The following TPO variants were observed in gnomAD, a reference collection of about 807,000 sequenced individuals.
The protein encoded by TPO is thyroid microsomal antigen.
In TPO, 78 loss-of-function variants were observed where a neutral mutation model predicts 96.9. The ratio of observed to expected loss-of-function variants is 0.81; its 90% CI spans 0.67 to 0.97. The LOEUF is 0.97. Ranked by LOEUF, TPO falls within the 50% of genes least tolerant of loss-of-function variation. The pLI is 0.00. For synonymous variants in TPO, 547 were observed against 538.0 expected, an observed-to-expected ratio of 1.02 and a Z score of -0.23; for missense variants, 1,252 against 1,274.8, an observed-to-expected ratio of 0.98 and a Z score of 0.27.
intron 14 of TPO, among the ~76,000 whole-genome samples, chr2:1,511,791 A>C (rs1485245863): frequency 2.0e-5 from 3 of 152,134 alleles, no homozygotes; most frequent in Non-Finnish European, 4.4e-5. Context: ...CTCCATCCCC[A>C]AATCAGCCAC....
chr2:1,534,108 C>G lies in TPO; in HGVS notation c.2619-6486C>G, dbSNP rs1388009136. On this transcript the variant is annotated intron_variant, in intron 15 of 16. Coordinates refer to ENST00000329066, the MANE Select transcript of TPO (RefSeq NM_001206744.2). ...CTGTGCAACCTCCCCAAAACGCCCC[C>G]ACTCTGTGCAACCTCCCCAAATCCC... is the stretch of plus-strand genomic sequence containing the variant. Among the ~76,000 whole-genome samples, 2 of 95,406 alleles carry G rather than the reference C, an allele frequency of 2.1e-5. 1 individual carries two copies. Among genetic ancestry groups the G allele is most frequent in the Non-Finnish European group, 4.4e-5 (2 of 45,386 alleles). The allele number at this position is 95,406 out of a possible 152,430, so 62.6% of individuals were successfully genotyped here.
intron 1 of TPO, among the ~76,000 whole-genome samples, chr2:1,394,036 C>T (rs1212599339): frequency 6.6e-6 from 1 of 152,194 alleles, no homozygotes; most frequent in Non-Finnish European, 1.5e-5. Context: ...CCTATCTCCT[C>T]CATGTGACAA....
chr2:1,449,997 G>A (rs929392618), intron 5 of TPO, among the ~76,000 whole-genome samples: 6 of 152,114 alleles, frequency 3.9e-5, no homozygotes, highest in African/African-American at 1.4e-4. Context: ...CACCTGACAG[G>A]GTGTCAGGCG....
intron 14 of TPO, 86 bp from the exon 15 acceptor site, chr2:1,516,797 A>G: frequency 8.1e-7 from 1 of 1,240,426 alleles, no homozygotes; most frequent in Non-Finnish European, 1.2e-6. Context: ...GGCCCAGGAC[A>G]GGGTATGGCC....
chr2:1,496,795 A>T, intron 13 of TPO, 30 bp downstream of exon 13: 1 of 1,613,954 alleles, frequency 6.2e-7, no homozygotes, highest in Non-Finnish European at 8.5e-7. Flanking sequence ...ACAATTACAA[A>T]ACATCTGAAT....
intron 15 of TPO, among the ~76,000 whole-genome samples, chr2:1,537,005 CCCCCACTGTGTGCAACGTCCT>C: frequency 1.5e-5 from 1 of 65,402 alleles, no homozygotes. Flanking sequence ...ACCTCAAATC[CCCCCACTGTGTGCAACGTCCT>C]CAAATACCCC....
chr2:1,503,741 C>T lies in TPO; in HGVS notation c.2387-207C>T, dbSNP rs780627094. ...GTGTGGACTCCCTGCAGGCTCAGAG[C>T]CCGTGGCCAGCGCACATCTGTCTGC... On this transcript the variant is annotated intron_variant, in intron 13 of 16. Coordinates refer to ENST00000329066, the MANE Select transcript of TPO (RefSeq NM_001206744.2). The T allele has an allele frequency of 6.5e-5, 57 of 876,590 alleles. No homozygotes were observed. The South Asian group carries it at 8.0e-4, about 12-fold the overall frequency. 54.3% of individuals were successfully genotyped at this position (876,590 alleles called of 1,614,324 possible). A position where few individuals can be genotyped will look rare whatever the true frequency, so the allele number is the denominator to read the frequency against.
chr2:1,433,403 A>G, intron 3 of TPO, 35 bp from the exon 4 acceptor site: 1 of 1,611,894 alleles, frequency 6.2e-7, no homozygotes, highest in Non-Finnish European at 8.5e-7. Flanking sequence ...ACCATAGACA[A>G]ATAATCTATT....
At chr2:1,498,848 C>T (rs1672605225) in intron 13 of TPO, among the ~76,000 whole-genome samples, 1 of 152,182 alleles carries the variant, frequency 6.6e-6, no homozygotes, top group Non-Finnish European at 1.5e-5. Flanking sequence ...TTTTCCTGTT[C>T]CCTTGGCTTA....
intron 2 of TPO, among the ~76,000 whole-genome samples, chr2:1,421,748 A>G (rs1663556511): frequency 6.6e-6 from 1 of 152,126 alleles, no homozygotes; most frequent in African/African-American, 2.4e-5. Context: ...AAATCTCCAT[A>G]AAGCCCGGAA....
At position 1,456,189 on chromosome 2, in the gene TPO, G is replaced by T; in HGVS notation, c.726G>T (p.Ala242=). The T allele has an allele frequency of 6.2e-7, 1 of 1,614,076 alleles. No homozygotes were observed. Among genetic ancestry groups the T allele is most frequent in the African/African-American group, 1.3e-5 (1 of 75,038 alleles). ...AWGQYIDHDI[A]FTPQSTSKAA... The stretch of plus-strand genomic sequence containing the variant: ...GACAATACATCGACCACGACATCGC[G>T]TTCACACCACAGAGCACCAGCAAAG... Residue 242 remains alanine, a synonymous_variant, in exon 7 of 17, where the codon GCG becomes GCT. Coordinates refer to ENST00000329066, the MANE Select transcript of TPO (RefSeq NM_001206744.2).
intron 5 of TPO, among the ~76,000 whole-genome samples, chr2:1,437,447 GCC>G (rs28909390): frequency 6.6e-6 from 1 of 151,634 alleles, no homozygotes; most frequent in African/African-American, 2.4e-5. Context: ...GAAGGAAGAT[GCC>G]CCCCCCGAGA....
intron 16 of TPO, chr2:1,541,113 T>A: frequency 8.4e-7 from 1 of 1,193,162 alleles, no homozygotes; most frequent in Non-Finnish European, 1.1e-6. Flanking sequence ...ATGTGTATGT[T>A]TATGTTTTAC....
intron 15 of TPO, among the ~76,000 whole-genome samples, chr2:1,534,779 T>A (rs1679181233): frequency 7.1e-6 from 1 of 141,298 alleles, no homozygotes; most frequent in Non-Finnish European, 1.5e-5. Context: ...CCTCCTCAAA[T>A]ATCCCCACTG....
intron 10 of TPO, among the ~76,000 whole-genome samples, chr2:1,488,763 C>A (rs1671413623): frequency 6.6e-6 from 1 of 152,180 alleles, no homozygotes; most frequent in East Asian, 1.9e-4. Flanking sequence ...GCTGGCAAGT[C>A]CTGCCCTGCC....
chr2:1,431,079 C>G (rs1197693087), intron 3 of TPO, among the ~76,000 whole-genome samples: 3 of 150,562 alleles, frequency 2.0e-5, no homozygotes, highest in Non-Finnish European at 4.4e-5. Flanking sequence ...GGTGTAGATG[C>G]TTTTCCCCCT....
upstream of TPO, among the ~76,000 whole-genome samples, chr2:1,410,029 G>T (rs924009198): frequency 6.6e-6 from 1 of 152,078 alleles, no homozygotes; most frequent in Non-Finnish European, 1.5e-5. Flanking sequence ...GGTCAAAAGT[G>T]AGGGTTTCAG....
intron 2 of TPO, among the ~76,000 whole-genome samples, chr2:1,419,426 T>C (rs968637878): frequency 6.6e-6 from 1 of 152,148 alleles, no homozygotes; most frequent in Non-Finnish European, 1.5e-5. Flanking sequence ...GGAGAGCTAA[T>C]GTGAGCTGAT....
intron 1 of TPO, among the ~76,000 whole-genome samples, chr2:1,404,922 C>G (rs1180152806): frequency 1.3e-5 from 2 of 152,162 alleles, no homozygotes; most frequent in African/African-American, 4.8e-5. Flanking sequence ...GTAGTTCACC[C>G]TTACAATAAT....
Sources: allele counts gnomAD v4.1 joint callset (sites outside exome capture counted in the v4.1 genomes callset), GRCh38; gene constraint gnomAD v4.1.1; transcripts MANE v1.5; gene names NCBI Gene and HGNC (gene_info 2026-07-23, HGNC 2026-07-21).